Variants in GRM7 observed in about 807,000 individuals in gnomAD.
GRM7 encodes the protein metabotropic glutamate receptor 7.
A neutral mutation model predicts 84.5 loss-of-function variants in GRM7; 35 were observed. That is an observed-to-expected ratio of 0.41 (90% confidence interval 0.32 to 0.55). The LOEUF is 0.55. GRM7 is among the 20% of genes least tolerant of loss of function. The probability of loss-of-function intolerance (pLI) is 0.19; values close to 1 mark genes in which losing one functional copy is unlikely to be tolerated. For missense variants in GRM7, 1,003 were observed against 1,194.6 expected, an observed-to-expected ratio of 0.84 and a Z score of 2.36; for synonymous variants, 487 against 455.1, an observed-to-expected ratio of 1.07 and a Z score of -0.89.
Position 6,863,081 on chromosome 3 carries a change from C to T in GRM7, c.519+1174C>T. 2.3e-6 allele frequency: 1 copy of T among 437,516 alleles called. No homozygotes were observed. The highest frequency in any genetic ancestry group is 3.4e-4 in the Middle Eastern group (1 of 2,940). The allele number at this position is 437,516 out of a possible 1,614,324, so 27.1% of individuals were successfully genotyped here. On this transcript the variant is annotated intron_variant, in intron 1 of 9. Coordinates refer to ENST00000357716, the MANE Select transcript of GRM7 (RefSeq NM_000844.4). This position sits in a 1 kb window ranked among gnomAD's most constrained non-coding sequence, Gnocchi z 4.8. ...GTAGGTTCCCTCCTCTGTGTCTTTCCCTATATGTGCATCACTCTCTCTTTC... is the reference window on the plus strand; with the variant it reads ...GTAGGTTCCCTCCTCTGTGTCTTTCTCTATATGTGCATCACTCTCTCTTTC...
At chr3:7,588,328 T>C (rs778781681) in intron 8 of GRM7, among the ~76,000 whole-genome samples, 78 of 152,298 alleles carry the variant, frequency 5.1e-4, no homozygotes, top group Middle Eastern at 3.4e-3. Flanking sequence ...TGTGGAGTTA[T>C]GCATCTTCAG....
intron 1 of GRM7, among the ~76,000 whole-genome samples, chr3:6,870,262 G>A (rs565918146): frequency 5.3e-5 from 8 of 152,246 alleles, no homozygotes; most frequent in East Asian, 3.9e-4. Flanking sequence ...GGGTAATAGC[G>A]TAGATTTGAT....
intron 2 of GRM7, among the ~76,000 whole-genome samples, chr3:7,153,418 C>G (rs1369144825): frequency 1.3e-5 from 2 of 152,096 alleles, no homozygotes; most frequent in Non-Finnish European, 2.9e-5. Context: ...TAGTTATCCT[C>G]TCTCACTAGA....
chr3:7,473,920 G>C (rs1249288622), intron 7 of GRM7, among the ~76,000 whole-genome samples: 1 of 152,152 alleles, frequency 6.6e-6, no homozygotes, highest in Non-Finnish European at 1.5e-5. Flanking sequence ...GTAAAATCCT[G>C]TTAGTGCAGA....
chr3:7,590,189 C>G (rs1695712083), intron 8 of GRM7, among the ~76,000 whole-genome samples: 1 of 152,158 alleles, frequency 6.6e-6, no homozygotes, highest in Admixed American at 6.5e-5. Context: ...GAGGATCCAT[C>G]ACTTGCTTTT....
At chr3:7,017,268 TAAG>T (rs1695598758) in intron 1 of GRM7, among the ~76,000 whole-genome samples, 1 of 151,950 alleles carries the variant, frequency 6.6e-6, no homozygotes, top group Non-Finnish European at 1.5e-5. Flanking sequence ...TCAACAAAAT[TAAG>T]AACCAGTCAG....
chr3:7,087,277 G>A (rs1219327624), intron 1 of GRM7, among the ~76,000 whole-genome samples: 1 of 152,012 alleles, frequency 6.6e-6, no homozygotes, highest in African/African-American at 2.4e-5. Context: ...GAAAATAAAT[G>A]TTTATCTTAA....
intron 8 of GRM7, among the ~76,000 whole-genome samples, chr3:7,666,038 A>G (rs1699685487): frequency 6.6e-6 from 1 of 152,128 alleles, no homozygotes; most frequent in South Asian, 2.1e-4. Flanking sequence ...GTAGGACTTG[A>G]GATAACTGAA....
intron 8 of GRM7, among the ~76,000 whole-genome samples, chr3:7,649,074 CTT>C (rs1229655377): frequency 2.1e-5 from 3 of 146,036 alleles, no homozygotes. Context: ...TTCAGATTTT[CTT>C]TTTTTTTTTT....
At position 7,521,114 on chromosome 3, in the gene GRM7, C is replaced by T. The variant is rs925703763; in HGVS notation, c.1516-57308C>T. 2.6e-5 allele frequency among the ~76,000 whole-genome samples: 4 copies of T among 152,124 alleles called. No homozygotes were observed. The East Asian group carries it at 5.8e-4, about 22-fold the overall frequency. On this transcript the variant is annotated intron_variant, in intron 7 of 9. Coordinates refer to ENST00000357716, the MANE Select transcript of GRM7 (RefSeq NM_000844.4). ...GTATCAGTTCAAAAACTCAGGTGTG[C>T]AAATAATTTTTGAATGACTAAGTGT...
intron 2 of GRM7, among the ~76,000 whole-genome samples, chr3:7,254,663 G>A (rs577903037): frequency 1.1e-3 from 169 of 152,304 alleles, no homozygotes; most frequent in African/African-American, 4.0e-3. Flanking sequence ...GATTTGGCCA[G>A]CAGGCTGTAG....
intron 5 of GRM7, among the ~76,000 whole-genome samples, chr3:7,445,881 A>G (rs1697483402): frequency 6.6e-6 from 1 of 152,188 alleles, no homozygotes; most frequent in Admixed American, 6.5e-5. Context: ...GGGTTACTGT[A>G]GCACTTTCAG....
chr3:7,055,373 A>G (rs772679750), intron 1 of GRM7, among the ~76,000 whole-genome samples: 3 of 151,754 alleles, frequency 2.0e-5, no homozygotes, highest in Non-Finnish European at 4.4e-5. Context: ...TTTCAAATCA[A>G]TTCTTTCATA....
At chr3:6,980,705 G>T (rs573658143) in intron 1 of GRM7, among the ~76,000 whole-genome samples, 1 of 152,180 alleles carries the variant, frequency 6.6e-6, no homozygotes, top group Non-Finnish European at 1.5e-5. Flanking sequence ...AGCCACTCAC[G>T]TGCAAGTTCT....
intron 1 of GRM7, among the ~76,000 whole-genome samples, chr3:7,043,142 G>T (rs1339902538): frequency 3.9e-5 from 6 of 152,156 alleles, no homozygotes; most frequent in Admixed American, 3.9e-4. Flanking sequence ...ACCTGCTGTT[G>T]TTCTCTCAAA....
chr3:7,198,359 G>A (rs1049443282), intron 2 of GRM7, among the ~76,000 whole-genome samples: 1 of 152,124 alleles, frequency 6.6e-6, no homozygotes, highest in Non-Finnish European at 1.5e-5. Context: ...ATAGAATTCA[G>A]TGTGATTACT....
At chr3:6,964,796 G>A (rs1032968832) in intron 1 of GRM7, among the ~76,000 whole-genome samples, 2 of 152,038 alleles carry the variant, frequency 1.3e-5, no homozygotes, top group African/African-American at 4.8e-5. Flanking sequence ...TTGTTCTTTT[G>A]TACCAGCTGC....
intron 7 of GRM7, among the ~76,000 whole-genome samples, chr3:7,512,561 G>C (rs1299063389): frequency 6.7e-6 from 1 of 148,610 alleles, no homozygotes. Context: ...GATATGTAGG[G>C]ATCTTGTTTA....
intron 9 of GRM7, among the ~76,000 whole-genome samples, chr3:7,739,974 T>A (rs939988391): frequency 6.6e-6 from 1 of 152,146 alleles, no homozygotes; most frequent in African/African-American, 2.4e-5. Context: ...ACAGACCTTT[T>A]CCAAGCAAAG....
Sources: allele counts gnomAD v4.1 joint callset (sites outside exome capture counted in the v4.1 genomes callset), GRCh38; gene constraint gnomAD v4.1.1; non-coding constraint Gnocchi (gnomAD v3.1); transcripts MANE v1.5; gene names NCBI Gene and HGNC (gene_info 2026-07-23, HGNC 2026-07-21).